The following L3MBTL3 variants were observed in gnomAD, a reference collection of about 807,000 sequenced individuals.
L3MBTL3 encodes the protein L3MBTL histone methyl-lysine binding protein 3, also known as lethal(3)malignant brain tumor-like protein 3.
L3MBTL3 carries 27 observed loss-of-function variants against 102.3 expected under a neutral mutation model. The ratio of observed to expected loss-of-function variants is 0.26; its 90% confidence interval spans 0.19 to 0.36. The LOEUF (loss-of-function observed/expected upper bound fraction) is 0.36, where lower values mean the gene tolerates loss of function less well. Ranked by LOEUF, L3MBTL3 falls within the 10% of genes least tolerant of loss-of-function variation. The pLI is 1.00. For missense variants in L3MBTL3, 798 were observed against 955.3 expected (o/e 0.84, Z 2.17); for synonymous variants, 340 against 320.9 (o/e 1.06, Z -0.64).
rs1436089391 is a variant in L3MBTL3 at position 130,123,238 on chromosome 6, AT to A, written c.1966+2287del. On this transcript the variant is annotated intron_variant, in intron 20 of 22. Transcript: ENST00000361794. ...TATTTGGTAGTTTTATGTCTTTCTA[AT>A]TTTTTTCTTTCTGTTTTTCTTGATT... Among the ~76,000 whole-genome samples the A allele has an allele frequency of 7.9e-5, 12 of 151,504 alleles. No homozygotes were observed. The South Asian group carries it at 1.3e-3, about 16-fold the overall frequency.
Position 130,133,096 on chromosome 6 carries a change from C to G in L3MBTL3, c.1967-356C>G, listed in dbSNP as rs181858954. Among the ~76,000 whole-genome samples the G allele has an allele frequency of 1.3e-5, 2 of 152,120 alleles. No individual in the cohort carries two copies. Among genetic ancestry groups the G allele is most frequent in the South Asian group, 2.1e-4 (1 of 4,814 alleles). ...ACTTGGCTGTTACCTTTACAACATC[C>G]AAAGCAGAAAGGGGAGCAAATAAAC... On this transcript the variant is annotated intron_variant, in intron 20 of 22. Transcript: ENST00000361794. This position sits in a 1 kb window ranked among gnomAD's most constrained non-coding sequence, Gnocchi z 4.9.
intron 20 of L3MBTL3, among the ~76,000 whole-genome samples, chr6:130,123,229 GTCTT>G (rs1217240571): frequency 6.6e-6 from 1 of 151,968 alleles, no homozygotes; most frequent in Non-Finnish European, 1.5e-5. Flanking sequence ...GTAGTTTTAT[GTCTT>G]TCTAATTTTT....
intron 16 of L3MBTL3, among the ~76,000 whole-genome samples, chr6:130,091,349 T>A (rs1055605411): frequency 2.6e-5 from 4 of 152,172 alleles, no homozygotes; most frequent in Non-Finnish European, 4.4e-5. Flanking sequence ...GGCAGACTTG[T>A]TTTTTTAATA....
intron 15 of L3MBTL3, 127 bp downstream of exon 15, chr6:130,083,832 GT>G: frequency 2.2e-6 from 1 of 445,834 alleles, no homozygotes; most frequent in Non-Finnish European, 4.0e-6. Flanking sequence ...CAAATAAGAT[GT>G]TTTTGAATTT....
chr6:130,038,290 G>A (rs1379397294), intron 2 of L3MBTL3, among the ~76,000 whole-genome samples: 1 of 151,832 alleles, frequency 6.6e-6, no homozygotes, highest in Non-Finnish European at 1.5e-5. Flanking sequence ...ACCCTGTAGT[G>A]GGATCACTGG....
chr6:130,136,089 C>T (rs1048232705), intron 22 of L3MBTL3, among the ~76,000 whole-genome samples: 1 of 149,898 alleles, frequency 6.7e-6, no homozygotes, highest in Non-Finnish European at 1.5e-5. Context: ...TATCACCCTA[C>T]TGCCACCACC....
chr6:130,130,695 A>T (rs1376081586), intron 20 of L3MBTL3, among the ~76,000 whole-genome samples: 1 of 152,184 alleles, frequency 6.6e-6, no homozygotes. Context: ...TGCACCTTTG[A>T]GGTTGATTGG....
At chr6:130,102,774 T>C (rs1784775927) in intron 18 of L3MBTL3, among the ~76,000 whole-genome samples, 1 of 152,226 alleles carries the variant, frequency 6.6e-6, no homozygotes, top group African/African-American at 2.4e-5. Flanking sequence ...GCTCGGGTGC[T>C]TCTTCTCCAA....
intron 15 of L3MBTL3, 69 bp downstream of exon 15, chr6:130,083,774 A>C (rs1783507875): frequency 5.2e-6 from 4 of 770,306 alleles, no homozygotes; most frequent in Non-Finnish European, 8.6e-6. Flanking sequence ...AGAACAGAAC[A>C]AGATGGTATT....
intron 19 of L3MBTL3, among the ~76,000 whole-genome samples, chr6:130,107,222 A>G (rs1785043192): frequency 5.2e-4 from 1 of 1,924 alleles, no homozygotes; most frequent in Admixed American, 0.011. Context: ...TTCTTGACTC[A>G]CTCACTTTCT....
At chr6:130,131,542 C>T (rs1269295499) in intron 20 of L3MBTL3, among the ~76,000 whole-genome samples, 1 of 152,140 alleles carries the variant, frequency 6.6e-6, no homozygotes, top group Non-Finnish European at 1.5e-5. Context: ...GGTCGCAGTC[C>T]AGACCCCAGG....
chr6:130,119,161 A>G (rs1050202453), intron 19 of L3MBTL3, among the ~76,000 whole-genome samples: 8 of 152,018 alleles, frequency 5.3e-5, no homozygotes, highest in African/African-American at 1.9e-4. Flanking sequence ...TTCTCTCTCT[A>G]TTTAAAAAAA....
chr6:130,039,400 A>C (rs893150605), intron 2 of L3MBTL3, among the ~76,000 whole-genome samples: 2 of 152,104 alleles, frequency 1.3e-5, no homozygotes, highest in African/African-American at 4.8e-5. Context: ...CTTTTGTTTA[A>C]ATCAGGGTCC....
At chr6:130,050,756 GA>G (rs1191769877) in intron 5 of L3MBTL3, among the ~76,000 whole-genome samples, 1 of 152,068 alleles carries the variant, frequency 6.6e-6, no homozygotes, top group Non-Finnish European at 1.5e-5. Context: ...AAGGAAATGC[GA>G]GTTTCTACAC....
intron 19 of L3MBTL3, among the ~76,000 whole-genome samples, chr6:130,108,294 G>A (rs1279507682): frequency 7.0e-6 from 1 of 143,180 alleles, no homozygotes; most frequent in Non-Finnish European, 1.5e-5. Flanking sequence ...GAGTGCAGTG[G>A]CGTGATCTTG....
At chr6:130,084,833 C>G (rs1783579296) in intron 15 of L3MBTL3, among the ~76,000 whole-genome samples, 1 of 152,016 alleles carries the variant, frequency 6.6e-6, no homozygotes, top group Non-Finnish European at 1.5e-5. Context: ...CATGGCAACC[C>G]TTTTTTTGTT....
intron 2 of L3MBTL3, among the ~76,000 whole-genome samples, chr6:130,032,757 A>C (rs1779809875): frequency 6.6e-6 from 1 of 152,198 alleles, no homozygotes; most frequent in Non-Finnish European, 1.5e-5. Flanking sequence ...TCGGGAGGCC[A>C]AGGTGGAAGA....
chr6:130,080,795 T>C (rs903203224), intron 14 of L3MBTL3, among the ~76,000 whole-genome samples: 1 of 152,226 alleles, frequency 6.6e-6, no homozygotes, highest in Non-Finnish European at 1.5e-5. Context: ...TTATGTATAT[T>C]TTGCCACTAT....
chr6:130,140,800 T>C lies in L3MBTL3; in HGVS notation c.*1047T>C, dbSNP rs1362592045. The C allele has an allele frequency of 6.6e-6, 1 of 152,358 alleles. No homozygotes were observed. Among genetic ancestry groups the C allele is most frequent in the Non-Finnish European group, 1.5e-5 (1 of 68,050 alleles). The allele number at this position is 152,358 out of a possible 1,614,324, so 9.4% of individuals were successfully genotyped here. The stretch of plus-strand genomic sequence containing the variant: ...TCAGGGTTGGCTAGAGAGCGAGTAT[T>C]GTGATTTTGCTGAAAAGACAAGGTG... On this transcript the variant is annotated 3_prime_UTR_variant, in exon 23 of 23. Transcript: ENST00000361794.
Sources: allele counts gnomAD v4.1 joint callset (sites outside exome capture counted in the v4.1 genomes callset), GRCh38; gene constraint gnomAD v4.1.1; non-coding constraint Gnocchi (gnomAD v3.1); transcripts MANE v1.5; gene names NCBI Gene and HGNC (gene_info 2026-07-23, HGNC 2026-07-21).